The following CNTN5 variants were observed in gnomAD, a reference collection of about 807,000 sequenced individuals.
CNTN5 encodes the protein contactin-5.
In CNTN5, 77 loss-of-function variants were observed where a neutral mutation model predicts 129.1. The ratio of observed to expected loss-of-function variants is 0.60; its 90% CI spans 0.50 to 0.72. CNTN5 has a LOEUF of 0.72. Ranked by LOEUF, CNTN5 falls within the 30% of genes least tolerant of loss-of-function variation. The pLI is 0.00. For synonymous variants in CNTN5, 509 were observed against 465.6 expected (o/e 1.09, Z -1.20); for missense variants, 1,478 against 1,328.8 (o/e 1.11, Z -1.75).
intron 1 of CNTN5, among the ~76,000 whole-genome samples, chr11:99,025,744 T>C (rs113224245): frequency 0.011 from 1,645 of 151,874 alleles, 31 homozygotes; most frequent in African/African-American, 0.037. Flanking sequence ...TTGCAGGAGT[T>C]TGTATTTATC....
rs769168156 is a variant in CNTN5, at chr11:99,844,887, C to G, written c.313C>G (p.Pro105Ala). Residue 105 changes from proline (P) to alanine (A), a missense_variant, in exon 5 of 25, where the codon CCA becomes GCA. Transcript: ENST00000524871. The stretch of plus-strand genomic sequence containing the variant: ...CTATGGGCCAGTTTTTGTGCAAGAA[C>G]CAGATGATATTATTTTTCCAACTGA... ...VDYGPVFVQE[P>A]DDIIFPTDSD... 6.2e-7 allele frequency: 1 copy of G among 1,613,390 alleles called. No individual in the cohort carries two copies. The highest frequency in any genetic ancestry group is 1.1e-5 in the South Asian group (1 of 91,032).
intron 1 of CNTN5, among the ~76,000 whole-genome samples, chr11:99,183,222 C>T (rs1858168920): frequency 6.6e-6 from 1 of 152,154 alleles, no homozygotes; most frequent in East Asian, 1.9e-4. Context: ...TTCTCATCTT[C>T]CTGCTTATCA....
At chr11:100,080,659 A>C (rs1944326662) in intron 13 of CNTN5, among the ~76,000 whole-genome samples, 1 of 152,102 alleles carries the variant, frequency 6.6e-6, no homozygotes, top group African/African-American at 2.4e-5. Flanking sequence ...TTCCACCTAC[A>C]TGCTGGGTTT....
chr11:99,160,986 C>A (rs1202361121), intron 1 of CNTN5, among the ~76,000 whole-genome samples: 2 of 152,120 alleles, frequency 1.3e-5, no homozygotes, highest in Non-Finnish European at 2.9e-5. Context: ...AGGTACAAAT[C>A]TATATATTGC....
At chr11:100,268,483 G>C (rs1246495602) in intron 17 of CNTN5, among the ~76,000 whole-genome samples, 1 of 152,082 alleles carries the variant, frequency 6.6e-6, no homozygotes, top group Non-Finnish European at 1.5e-5. Flanking sequence ...GTCATGCCAT[G>C]GAAAATAAAG....
At chr11:99,678,579 A>G (rs1027917988) in intron 3 of CNTN5, among the ~76,000 whole-genome samples, 2 of 152,082 alleles carry the variant, frequency 1.3e-5, no homozygotes, top group African/African-American at 2.4e-5. Flanking sequence ...TACACACAAA[A>G]TCACATCAGT....
intron 3 of CNTN5, among the ~76,000 whole-genome samples, chr11:99,715,948 G>A (rs1430557977): frequency 6.6e-6 from 1 of 151,756 alleles, no homozygotes; most frequent in African/African-American, 2.4e-5. Flanking sequence ...TATATCCTTA[G>A]AACAAGAATA....
chr11:99,809,077 A>G (rs1216045661), intron 3 of CNTN5, among the ~76,000 whole-genome samples: 1 of 152,190 alleles, frequency 6.6e-6, no homozygotes, highest in Non-Finnish European at 1.5e-5. Context: ...ACAGACACAC[A>G]TCTGCCCAAG....
chr11:99,856,813 CTG>C (rs1340107081), intron 6 of CNTN5, among the ~76,000 whole-genome samples: 2 of 152,184 alleles, frequency 1.3e-5, no homozygotes, highest in African/African-American at 4.8e-5. Context: ...TATTTGGACT[CTG>C]TCATTTTTCC....
At chr11:100,030,254 C>CTGTA (rs1168041279) in intron 9 of CNTN5, among the ~76,000 whole-genome samples, 7 of 152,206 alleles carry the variant, frequency 4.6e-5, no homozygotes, top group Admixed American at 4.6e-4. Context: ...TGGAATGCAT[C>CTGTA]TGTAGTTCCA....
chr11:99,301,029 A>G (rs1418700657), intron 1 of CNTN5, among the ~76,000 whole-genome samples: 1 of 151,844 alleles, frequency 6.6e-6, no homozygotes, highest in African/African-American at 2.4e-5. Context: ...TACTATTGAT[A>G]TTAAGTTGGT....
chr11:99,379,932 T>A (rs995915429), intron 2 of CNTN5, among the ~76,000 whole-genome samples: 2 of 152,064 alleles, frequency 1.3e-5, no homozygotes, highest in Admixed American at 1.3e-4. Context: ...TGTATATATG[T>A]GTATATACAC....
chr11:100,330,053 A>G (rs550831887), intron 21 of CNTN5, among the ~76,000 whole-genome samples: 4 of 152,220 alleles, frequency 2.6e-5, no homozygotes, highest in Non-Finnish European at 5.9e-5. Flanking sequence ...AGAAAGGTGA[A>G]GGCCAACTTA....
At chr11:99,817,006 G>A in intron 3 of CNTN5, among the ~76,000 whole-genome samples, 1 of 152,164 alleles carries the variant, frequency 6.6e-6, no homozygotes, top group Admixed American at 6.5e-5. Flanking sequence ...AGCATTTTCT[G>A]ATGACTTAAA....
chr11:99,433,370 A>AC (rs1341991677), intron 2 of CNTN5, among the ~76,000 whole-genome samples: 1 of 21,982 alleles, frequency 4.5e-5, no homozygotes, highest in East Asian at 2.8e-3. Flanking sequence ...GTAAAAAAAA[A>AC]ATGTGTGTGT....
intron 1 of CNTN5, among the ~76,000 whole-genome samples, chr11:99,268,317 T>C (rs187315252): frequency 1.3e-5 from 2 of 152,052 alleles, no homozygotes; most frequent in Admixed American, 6.6e-5. Context: ...GAAACAAGCA[T>C]ATCAACACTG....
intron 3 of CNTN5, among the ~76,000 whole-genome samples, chr11:99,666,067 C>T (rs1295774536): frequency 6.6e-5 from 10 of 151,974 alleles, no homozygotes; most frequent in African/African-American, 2.4e-4. Context: ...CAGGTTCAAG[C>T]AGTTCTCCTG....
At chr11:99,841,642 G>A (rs1454930260) in intron 4 of CNTN5, among the ~76,000 whole-genome samples, 3 of 151,538 alleles carry the variant, frequency 2.0e-5, no homozygotes, top group East Asian at 1.9e-4. Context: ...AGAAGAGGAG[G>A]AGGAGAATGA....
intron 2 of CNTN5, among the ~76,000 whole-genome samples, chr11:99,501,013 T>A (rs1050772181): frequency 2.6e-5 from 4 of 152,218 alleles, no homozygotes; most frequent in East Asian, 3.8e-4. Flanking sequence ...ATATGCACCA[T>A]GCATACATAC....
Sources: gnomAD v4.1 joint callset for allele counts (sites outside exome capture counted in the v4.1 genomes callset) on GRCh38, gnomAD v4.1.1 for gene constraint, MANE v1.5 for transcripts, NCBI Gene and HGNC (gene_info 2026-07-23, HGNC 2026-07-21) for gene names.